TRPM2: variants seen among roughly 807,000 people sequenced by gnomAD.
TRPM2 encodes transient receptor potential cation channel subfamily M member 2.
In TRPM2, 161 loss-of-function variants were observed where a neutral mutation model predicts 174.0. The observed-to-expected ratio is 0.93, with a 90% CI of 0.81 to 1.05. TRPM2 has a LOEUF of 1.05. Among genes scored for constraint, TRPM2 ranks in the 50% least tolerant of loss-of-function variants. TRPM2 has a pLI of 0.00. For synonymous variants in TRPM2, 954 were observed against 861.3 expected (o/e 1.11, Z -1.88); for missense variants, 2,057 against 2,038.0 (o/e 1.01, Z -0.18).
chr21:44,423,576 C>A, intron 22 of TRPM2, 69 bp from the exon 23 acceptor site: 1 of 1,360,574 alleles, frequency 7.3e-7, no homozygotes, highest in Non-Finnish European at 1.0e-6. Flanking sequence ...GGGCTGTCTG[C>A]AGAGCGGTGT....
At chr21:44,406,894 G>A in intron 19 of TRPM2, 129 bp downstream of exon 19, 1 of 1,245,524 alleles carries the variant, frequency 8.0e-7, no homozygotes, top group Non-Finnish European at 1.1e-6. Flanking sequence ...CCTGGCCGGT[G>A]TCCTCCCTGG....
At chr21:44,421,136 G>A (rs1372653228) in intron 22 of TRPM2, among the ~76,000 whole-genome samples, 1 of 152,130 alleles carries the variant, frequency 6.6e-6, no homozygotes, top group Non-Finnish European at 1.5e-5. Context: ...TGGCTAACAT[G>A]GTGAAACCTC....
chr21:44,440,988 G>T (rs1031352839), intron 31 of TRPM2, 83 bp downstream of exon 31: 12 of 1,204,534 alleles, frequency 1.0e-5, no homozygotes, highest in Admixed American at 1.7e-5. Context: ...GGTTGGCAGG[G>T]ATGGGGGTCT....
chr21:44,388,081 G>T (rs1407455501), intron 9 of TRPM2, among the ~76,000 whole-genome samples: 1 of 152,184 alleles, frequency 6.6e-6, no homozygotes, highest in Non-Finnish European at 1.5e-5. Flanking sequence ...TTAAAGCAGG[G>T]TCTGGAAGAG....
At chr21:44,429,315 T>C (rs2050947900) in intron 27 of TRPM2, among the ~76,000 whole-genome samples, 1 of 142,700 alleles carries the variant, frequency 7.0e-6, no homozygotes. Context: ...GAGATGGAAT[T>C]TCACTTTTGT....
At position 44,442,600 on chromosome 21, in the gene TRPM2, G is replaced by C. The variant is rs2051553063; in HGVS notation, c.*783G>C. 1 of 152,286 alleles carries C rather than the reference G, an allele frequency of 6.6e-6. No individual in the cohort carries two copies. The highest frequency in any genetic ancestry group is 6.5e-5 in the Admixed American group (1 of 15,290). The allele number at this position is 152,286 out of a possible 1,614,324, so 9.4% of individuals were successfully genotyped here. On this transcript the variant is annotated 3_prime_UTR_variant, in exon 32 of 32. Transcript: ENST00000397928. ...GCGTGAACCATGAGGGCCCTCAGGA[G>C]GGGAACGTGGTAAAACCCAAGACAT...
At chr21:44,382,980 G>T (rs975724335) in intron 9 of TRPM2, among the ~76,000 whole-genome samples, 160 bp downstream of exon 9, 1 of 152,148 alleles carries the variant, frequency 6.6e-6, no homozygotes, top group Admixed American at 6.5e-5. Context: ...GCAGGTGGGC[G>T]CCTGCCTGTC....
intron 3 of TRPM2, among the ~76,000 whole-genome samples, chr21:44,365,793 G>A (rs1350926829): frequency 6.6e-6 from 1 of 152,188 alleles, no homozygotes; most frequent in Non-Finnish European, 1.5e-5. Flanking sequence ...ACTGCAGCAG[G>A]TCTGCCTCGA....
chr21:44,397,912 T>G, intron 13 of TRPM2, 36 bp downstream of exon 13: 1 of 1,553,570 alleles, frequency 6.4e-7, no homozygotes, highest in Non-Finnish European at 8.7e-7. Context: ...AGGCCATGGC[T>G]CAGCCGTGCA....
upstream of TRPM2, among the ~76,000 whole-genome samples, chr21:44,352,280 C>T (rs1395916387): frequency 6.6e-6 from 1 of 152,202 alleles, no homozygotes; most frequent in Admixed American, 6.5e-5. Context: ...TGCCATCCTG[C>T]CAGTGAAGTT....
At chr21:44,407,152 T>TCCCTCCC in intron 19 of TRPM2, among the ~76,000 whole-genome samples, 1 of 113,488 alleles carries the variant, frequency 8.8e-6, no homozygotes, top group Non-Finnish European at 1.8e-5. Context: ...CCTCCCTTCC[T>TCCCTCCC]TCCTTCCATT....
Position 44,424,842 on chromosome 21 carries a change from T to C in TRPM2, c.3550-10T>C. ...CAGGTGCTCACTGTGTCTCGGGCCA[T>C]GCCTTCCAGGTGGCCCAGACAGCCC... On this transcript the variant is annotated splice_polypyrimidine_tract_variant and intron_variant, in intron 23 of 31. Transcript: ENST00000397928. 1 of 1,580,586 alleles carries C rather than the reference T, an allele frequency of 6.3e-7. No homozygotes were observed. Among genetic ancestry groups the C allele is most frequent in the Non-Finnish European group, 8.6e-7 (1 of 1,162,796 alleles).
chr21:44,390,086 A>G (rs1362460869), intron 9 of TRPM2, among the ~76,000 whole-genome samples: 1 of 152,016 alleles, frequency 6.6e-6, no homozygotes, highest in Non-Finnish European at 1.5e-5. Flanking sequence ...GTTAGCCAGG[A>G]TGGTCTCGAT....
At chr21:44,425,096 C>T in intron 24 of TRPM2, 157 bp downstream of exon 24, 1 of 663,504 alleles carries the variant, frequency 1.5e-6, no homozygotes, top group Non-Finnish European at 2.5e-6. Context: ...CCCTCAGGAA[C>T]TCAGCCCACC....
In TRPM2 at chr21:44,367,010, G is replaced by T; in HGVS notation, c.604+76G>T. 3 of 1,472,648 alleles carry T rather than the reference G, an allele frequency of 2.0e-6. No individual in the cohort carries two copies. Among genetic ancestry groups the T allele is most frequent in the Middle Eastern group, 2.4e-4 (1 of 4,188 alleles). The allele number at this position is 1,472,648 out of a possible 1,614,324, so 91.2% of individuals were successfully genotyped here. On this transcript the variant is annotated intron_variant, in intron 4 of 31. Coordinates refer to ENST00000397928, the MANE Select transcript of TRPM2 (RefSeq NM_003307.4). This position sits in a 1 kb window ranked among gnomAD's most constrained non-coding sequence, Gnocchi z 4.6. ...TGGAGGCAGTGCTGGGGCAATCAGGGCCATCAGGACCCAAAAAGTCCCTGG... is the reference window on the plus strand; with the variant it reads ...TGGAGGCAGTGCTGGGGCAATCAGGTCCATCAGGACCCAAAAAGTCCCTGG...
At chr21:44,423,866 C>G (rs1473082819) in intron 23 of TRPM2, 134 bp downstream of exon 23, 1 of 772,362 alleles carries the variant, frequency 1.3e-6, no homozygotes, top group Admixed American at 2.2e-5. Context: ...TTGGGGCAGC[C>G]ATTCCCAGCT....
chr21:44,378,780 G>A (rs1271133109), intron 7 of TRPM2, among the ~76,000 whole-genome samples: 2 of 152,230 alleles, frequency 1.3e-5, no homozygotes, highest in East Asian at 1.9e-4. Context: ...TGGAGCTGAG[G>A]CCTGAGAGGT....
At chr21:44,359,457 G>T (rs1602121053) in intron 2 of TRPM2, among the ~76,000 whole-genome samples, 1 of 151,782 alleles carries the variant, frequency 6.6e-6, no homozygotes. Flanking sequence ...CCATTTTAAT[G>T]ATTGAGAAAC....
chr21:44,374,984 G>C (rs12627182), intron 5 of TRPM2, among the ~76,000 whole-genome samples: 19,786 of 152,102 alleles, frequency 0.13, 1,589 homozygotes, highest in Non-Finnish European at 0.16. Context: ...ATGTTGGTGC[G>C]ATCCTCAGCC....
Sources: gnomAD v4.1 joint callset for allele counts (sites outside exome capture counted in the v4.1 genomes callset) on GRCh38, gnomAD v4.1.1 for gene constraint, Gnocchi (gnomAD v3.1) non-coding constraint, MANE v1.5 for transcripts, NCBI Gene and HGNC (gene_info 2026-07-23, HGNC 2026-07-21) for gene names.